The following OSBPL10 variants were observed in gnomAD, a reference collection of about 807,000 sequenced individuals.
OSBPL10 encodes oxysterol binding protein like 10.
In OSBPL10, 49 loss-of-function variants were observed where a neutral mutation model predicts 81.7. The observed-to-expected ratio is 0.60, with a 90% CI of 0.48 to 0.76. OSBPL10 has a LOEUF of 0.76. Among genes scored for constraint, OSBPL10 ranks in the 30% least tolerant of loss-of-function variants. The probability of loss-of-function intolerance (pLI) is 0.00; values close to 1 mark genes in which losing one functional copy is unlikely to be tolerated. For missense variants in OSBPL10, 923 were observed against 987.8 expected (o/e 0.93, Z 0.88); for synonymous variants, 419 against 383.6 (o/e 1.09, Z -1.08).
intron 4 of OSBPL10, among the ~76,000 whole-genome samples, chr3:31,819,211 T>C (rs1244310330): frequency 6.6e-6 from 1 of 152,104 alleles, no homozygotes; most frequent in African/African-American, 2.4e-5. Flanking sequence ...CCTCTCCCAT[T>C]CTGGCCTACC....
At chr3:32,072,987 C>T (rs140607510) in intron 1 of OSBPL10, among the ~76,000 whole-genome samples, 1 of 152,222 alleles carries the variant, frequency 6.6e-6, no homozygotes, top group Non-Finnish European at 1.5e-5. Flanking sequence ...CCTTCATACC[C>T]CTCACCGTCC....
At chr3:31,952,605 A>T (rs1024591994) in intron 1 of OSBPL10, among the ~76,000 whole-genome samples, 10 of 152,226 alleles carry the variant, frequency 6.6e-5, no homozygotes, top group Admixed American at 2.0e-4. Flanking sequence ...AGGGATGATC[A>T]TACTACTATG....
chr3:32,072,170 T>G (rs1376167447), intron 1 of OSBPL10, among the ~76,000 whole-genome samples: 1 of 152,050 alleles, frequency 6.6e-6, no homozygotes, highest in Non-Finnish European at 1.5e-5. Flanking sequence ...TTATATGGGC[T>G]GAAAGAGGTT....
At chr3:32,071,214 T>A (rs898653511) in intron 1 of OSBPL10, among the ~76,000 whole-genome samples, 1 of 152,184 alleles carries the variant, frequency 6.6e-6, no homozygotes, top group East Asian at 1.9e-4. Context: ...TCCCTGCCAA[T>A]TGGGTCTGAC....
chr3:31,693,098 A>G (rs1293402359), intron 7 of OSBPL10, among the ~76,000 whole-genome samples: 21 of 152,224 alleles, frequency 1.4e-4, no homozygotes, highest in Admixed American at 1.4e-3. Context: ...TATACTGAAA[A>G]CCAGATTCAG....
At chr3:31,997,672 A>G (rs1018749172) in intron 2 of OSBPL10, among the ~76,000 whole-genome samples, 3 of 152,042 alleles carry the variant, frequency 2.0e-5, no homozygotes, top group Non-Finnish European at 4.4e-5. Flanking sequence ...TCTGCTTACC[A>G]CAAATTTCAT....
intron 4 of OSBPL10, among the ~76,000 whole-genome samples, chr3:31,779,297 C>T (rs1401688513): frequency 2.0e-5 from 3 of 152,112 alleles, no homozygotes; most frequent in Non-Finnish European, 4.4e-5. Context: ...AATCCACCAA[C>T]CAAGTATCTG....
chr3:32,028,927 GAC>G (rs58442955), intron 2 of OSBPL10, among the ~76,000 whole-genome samples: 2,918 of 105,178 alleles, frequency 0.028, 46 homozygotes, highest in African/African-American at 0.051. Flanking sequence ...AGCTAGTCAG[GAC>G]ACACACACAC....
chr3:32,010,303 T>A (rs1699241855), intron 2 of OSBPL10, among the ~76,000 whole-genome samples: 1 of 152,166 alleles, frequency 6.6e-6, no homozygotes, highest in Non-Finnish European at 1.5e-5. Flanking sequence ...CCTCTAGAAC[T>A]ATGAGAAAAT....
chr3:31,994,491 AGGATGGAT>A (rs200832488), intron 2 of OSBPL10, among the ~76,000 whole-genome samples: 2,288 of 149,730 alleles, frequency 0.015, 50 homozygotes, highest in African/African-American at 0.052. Context: ...AGGGAAAAAA[AGGATGGAT>A]GGATGGATGG....
intron 1 of OSBPL10, among the ~76,000 whole-genome samples, chr3:31,918,329 CTT>C (rs67029884): frequency 0.43 from 63,916 of 148,128 alleles, 14,584 homozygotes; most frequent in Non-Finnish European, 0.54. Context: ...TTTTTCTTTT[CTT>C]TTTTTTTTTT....
rs1700041847 is a variant in OSBPL10, at chr3:31,823,947, G to A, written c.729+6093C>T. On this transcript the variant is annotated intron_variant, in intron 4 of 11. Coordinates refer to ENST00000396556, the MANE Select transcript of OSBPL10 (RefSeq NM_017784.5). ...GCTCAGTGCAGCCTCCACTGCCCAG[G>A]CTCAAAGGATTCTCCCACCTCAGCC... Among the ~76,000 whole-genome samples the A allele has an allele frequency of 2.0e-5, 3 of 151,950 alleles. No individual in the cohort carries two copies. In the South Asian group the frequency reaches 6.2e-4, roughly 32 times the overall value.
intron 8 of OSBPL10, among the ~76,000 whole-genome samples, chr3:31,678,705 T>C (rs575723990): frequency 6.6e-6 from 1 of 152,074 alleles, no homozygotes; most frequent in East Asian, 1.9e-4. Context: ...CAAGCACTTC[T>C]GCTGAGTGCA....
intron 2 of OSBPL10, 116 bp from the exon 3 acceptor site, chr3:31,876,628 A>C (rs1390675240): frequency 1.3e-6 from 1 of 773,000 alleles, no homozygotes; most frequent in East Asian, 2.7e-5. Flanking sequence ...AGGTAGCAAG[A>C]AGGTGGGGAA....
intron 4 of OSBPL10, among the ~76,000 whole-genome samples, chr3:31,769,816 A>T (rs1698322141): frequency 6.6e-6 from 1 of 152,094 alleles, no homozygotes. Flanking sequence ...GCAAATGCTC[A>T]CTTAACTCCA....
At chr3:31,917,679 G>A (rs1046192488) in intron 1 of OSBPL10, among the ~76,000 whole-genome samples, 5 of 147,476 alleles carry the variant, frequency 3.4e-5, no homozygotes, top group Non-Finnish European at 6.0e-5. Context: ...AACTGATCTA[G>A]TATGCTGACA....
intron 11 of OSBPL10, chr3:31,662,720 G>T: frequency 1.0e-6 from 1 of 985,408 alleles, no homozygotes; most frequent in Non-Finnish European, 1.2e-6. Context: ...TCTGTTATGG[G>T]CATACTGGCT....
intron 4 of OSBPL10, among the ~76,000 whole-genome samples, chr3:31,828,004 AT>A (rs891720848): frequency 6.6e-5 from 10 of 151,534 alleles, no homozygotes; most frequent in South Asian, 4.2e-4. Context: ...CAAGTCCTAC[AT>A]TTTTTTTTCA....
chr3:32,052,595 C>T (rs919505107), intron 1 of OSBPL10, among the ~76,000 whole-genome samples: 3 of 152,286 alleles, frequency 2.0e-5, no homozygotes, highest in East Asian at 1.9e-4. Context: ...AAATGTGCTA[C>T]ATATATACCA....
Sources: gnomAD v4.1 joint callset for allele counts (sites outside exome capture counted in the v4.1 genomes callset) on GRCh38, gnomAD v4.1.1 for gene constraint, MANE v1.5 for transcripts, NCBI Gene and HGNC (gene_info 2026-07-23, HGNC 2026-07-21) for gene names.